ZNF581: variants seen among roughly 807,000 people sequenced by gnomAD.
The protein encoded by ZNF581 is zinc finger protein 581.
Under a neutral mutation model 1.2 loss-of-function variants are expected in ZNF581, and 1 was observed. That is an observed-to-expected ratio of 0.83 (90% CI 0.30 to 3.95). The LOEUF (loss-of-function observed/expected upper bound fraction) is 3.95. Among genes scored for constraint, ZNF581 ranks in the 30% most tolerant of loss-of-function variants. The probability of loss-of-function intolerance (pLI) is 0.18; values close to 1 mark genes in which losing one functional copy is unlikely to be tolerated. For synonymous variants in ZNF581, 105 were observed against 109.2 expected (o/e 0.96, Z 0.24); for missense variants, 273 against 274.6 (o/e 0.99, Z 0.04).
At position 55,644,679 on chromosome 19, in the gene ZNF581, C is replaced by CT. The variant is rs1568538807; in HGVS notation, c.109dup (p.Ser37PhefsTer21). On this transcript the variant is annotated frameshift_variant, in exon 2 of 2. Coordinates refer to ENST00000270451, the MANE Select transcript of ZNF581 (RefSeq NM_016535.4). LOFTEE classifies it low-confidence loss of function (END_TRUNC). The surrounding 1 kb of genome is among the most constrained non-coding windows in gnomAD (Gnocchi z 4.3). Reference sequence around the variant, plus strand: ...GCCGCTCCCCAGAACCTGGACCTTCCTCCTCCATCGGATCTCCCCAGGCTT... The same window carrying CT: ...GCCGCTCCCCAGAACCTGGACCTTCCTTCCTCCATCGGATCTCCCCAGGCTT... 6.2e-7 allele frequency: 1 copy of CT among 1,613,276 alleles called. No individual in the cohort carries two copies. Among genetic ancestry groups the CT allele is most frequent in the Non-Finnish European group, 8.5e-7 (1 of 1,179,620 alleles).
chr19:55,644,467 G>A lies in ZNF581; in HGVS notation c.-19-86G>A, dbSNP rs866405492. 3.7e-5 allele frequency: 31 copies of A among 840,536 alleles called. No individual in the cohort carries two copies. The African/African-American group carries it at 4.1e-4, about 11-fold the overall frequency. The allele number at this position is 840,536 out of a possible 1,614,324, so 52.1% of individuals were successfully genotyped here. A position where few individuals can be genotyped will look rare whatever the true frequency, so the allele number is the denominator to read the frequency against. On this transcript the variant is annotated intron_variant, in intron 1 of 1. Transcript: ENST00000270451. This position sits in a 1 kb window ranked among gnomAD's most constrained non-coding sequence, Gnocchi z 4.3. ...CAGCAGGATGCAGAGGTCCTGGGCC[G>A]GGTATAGGGAGGGAAAAGGATGGAG...
chr19:55,639,683 C>G (rs1460028302), upstream of ZNF581, among the ~76,000 whole-genome samples: 3 of 152,174 alleles, frequency 2.0e-5, no homozygotes, highest in African/African-American at 7.2e-5. Context: ...GTGGCACGAT[C>G]TTGGCACACT....
At chr19:55,641,970 C>T, upstream of ZNF581, 1 of 879,776 alleles carries the variant, frequency 1.1e-6, no homozygotes, top group Non-Finnish European at 1.3e-6. Flanking sequence ...TGGGGAGGCC[C>T]TGCGGCATGT....
At chr19:55,643,271 A>G, upstream of ZNF581, 1 of 504,760 alleles carries the variant, frequency 2.0e-6, no homozygotes, top group Non-Finnish European at 3.2e-6. Flanking sequence ...ACTGGGTTCC[A>G]GTCCAGCTGT....
upstream of ZNF581, chr19:55,640,668 C>T (rs1982400131): frequency 2.0e-6 from 2 of 985,342 alleles, no homozygotes; most frequent in Non-Finnish European, 2.4e-6. Flanking sequence ...TTTGCTCAGC[C>T]GGCAGGAACA....
At position 55,644,341 on chromosome 19, in the gene ZNF581, C is replaced by T. The variant is rs1178520012; in HGVS notation, c.-19-212C>T. Among the ~76,000 whole-genome samples the T allele has an allele frequency of 6.6e-6, 1 of 152,052 alleles. No individual in the cohort carries two copies. Among genetic ancestry groups the T allele is most frequent in the East Asian group, 1.9e-4 (1 of 5,192 alleles). On this transcript the variant is annotated intron_variant, in intron 1 of 1. Transcript: ENST00000270451. This position sits in a 1 kb window ranked among gnomAD's most constrained non-coding sequence, Gnocchi z 4.3. ...TGTGAGTACAGTGTATGGTGGAGCA[C>T]CGAGGCTAGGAGAGGTTTTCCAAGG...
In ZNF581 at chr19:55,644,669, C is replaced by T. The variant is rs1982743766; in HGVS notation, c.98C>T (p.Pro33Leu). 3 of 1,612,832 alleles carry T rather than the reference C, an allele frequency of 1.9e-6. No individual in the cohort carries two copies. The highest frequency in any genetic ancestry group is 3.3e-5 in the Admixed American group (2 of 59,824). The change falls in exon 2 of 2, where the codon CCT (proline) becomes CTT (leucine). Residue 33 changes from proline (P) to leucine (L), a missense_variant. Coordinates refer to ENST00000270451, the MANE Select transcript of ZNF581 (RefSeq NM_016535.4). The surrounding 1 kb of genome is among the most constrained non-coding windows in gnomAD (Gnocchi z 4.3). ...CGTCGGACTTGCCGCTCCCCAGAAC[C>T]TGGACCTTCCTCCTCCATCGGATCT... ...PPRRTCRSPE[P>L]GPSSSIGSPQ...
upstream of ZNF581, chr19:55,641,982 G>A: frequency 1.1e-6 from 1 of 949,090 alleles, no homozygotes; most frequent in Non-Finnish European, 1.3e-6. Context: ...GCGGCATGTA[G>A]TGGGGACGGA....
upstream of ZNF581, chr19:55,640,925 T>C (rs1982419051): frequency 2.0e-6 from 2 of 984,910 alleles, no homozygotes; most frequent in Non-Finnish European, 2.4e-6. Flanking sequence ...CGCAGGGCGC[T>C]CCGCAGAGGC....
chr19:55,641,155 C>G, upstream of ZNF581: 2 of 985,412 alleles, frequency 2.0e-6, no homozygotes, highest in South Asian at 4.7e-5. Context: ...TCGGCCCGTT[C>G]CTCCGGACCC....
chr19:55,639,006 C>CAAAA (rs753198174), upstream of ZNF581, among the ~76,000 whole-genome samples: 5 of 88,146 alleles, frequency 5.7e-5, no homozygotes, highest in African/African-American at 1.5e-4. Context: ...ACTCCATCTC[C>CAAAA]AAAAAAAAAA....
chr19:55,642,918 GGCATCGCGCCAC>G (rs1178442877), upstream of ZNF581: 5 of 1,517,526 alleles, frequency 3.3e-6, no homozygotes, highest in Non-Finnish European at 3.5e-6. Flanking sequence ...CACCTGTCGC[GGCATCGCGCCAC>G]GCACCGCGCC....
In ZNF581 at chr19:55,644,509, G is replaced by A. The variant is rs1478595395; in HGVS notation, c.-19-44G>A. On this transcript the variant is annotated intron_variant, in intron 1 of 1. Transcript: ENST00000270451. The surrounding 1 kb of genome is among the most constrained non-coding windows in gnomAD (Gnocchi z 4.3). ...AGGATGGAGCCTGTGGTGCTGAGCTGCCCTCTTCTATATAACCTTCTTATC... is the reference window on the plus strand; with the variant it reads ...AGGATGGAGCCTGTGGTGCTGAGCTACCCTCTTCTATATAACCTTCTTATC... 3.1e-6 allele frequency: 4 copies of A among 1,279,976 alleles called. No individual in the cohort carries two copies. Among genetic ancestry groups the A allele is most frequent in the Admixed American group, 2.4e-5 (1 of 41,664 alleles). 79.3% of individuals were successfully genotyped at this position (1,279,976 alleles called of 1,614,324 possible). A position where few individuals can be genotyped will look rare whatever the true frequency, so the allele number is the denominator to read the frequency against.
At chr19:55,643,039 GGC>G (rs1346054283), upstream of ZNF581, 5 of 1,356,074 alleles carry the variant, frequency 3.7e-6, no homozygotes, top group African/African-American at 7.7e-5. Context: ...CTCGAGACCC[GGC>G]CTGTGCTGCC....
At chr19:55,643,202 C>T, upstream of ZNF581, 1 of 1,153,832 alleles carries the variant, frequency 8.7e-7, no homozygotes, top group South Asian at 3.6e-5. Context: ...TACCCCCTTT[C>T]TAGCTGTGTG....
Position 55,645,421 on chromosome 19 carries a change from A to G in ZNF581, c.*256A>G, listed in dbSNP as rs1338878427. ...CTAGCCTAAAGATATCAGCTGTTCC[A>G]TGGCAGAGCCTTGACTGGATGGAGG... On this transcript the variant is annotated 3_prime_UTR_variant, in exon 2 of 2. Transcript: ENST00000270451. The G allele has an allele frequency of 5.2e-6, 2 of 381,336 alleles. No individual in the cohort carries two copies. Among genetic ancestry groups the G allele is most frequent in the Non-Finnish European group, 9.8e-6 (2 of 204,202 alleles). The allele number at this position is 381,336 out of a possible 1,614,324, so 23.6% of individuals were successfully genotyped here.
upstream of ZNF581, chr19:55,641,833 A>G (rs1387899326): frequency 6.3e-6 from 1 of 157,662 alleles, no homozygotes; most frequent in Admixed American, 6.6e-5. Context: ...GGGAGAGGTG[A>G]CTAGACTTCG....
At chr19:55,637,966 C>T (rs1340974042), upstream of ZNF581, among the ~76,000 whole-genome samples, 1 of 152,174 alleles carries the variant, frequency 6.6e-6, no homozygotes, top group Admixed American at 6.5e-5. Context: ...GTGGCCACTA[C>T]AGTGCCACTA....
chr19:55,641,184 G>C, upstream of ZNF581: 1 of 985,424 alleles, frequency 1.0e-6, no homozygotes, highest in Non-Finnish European at 1.2e-6. Context: ...GCCGCACGGG[G>C]TACGGGGGCC....
Sources: gnomAD v4.1 joint callset for allele counts (sites outside exome capture counted in the v4.1 genomes callset) on GRCh38, gnomAD v4.1.1 for gene constraint, Gnocchi (gnomAD v3.1) non-coding constraint, MANE v1.5 for transcripts, NCBI Gene and HGNC (gene_info 2026-07-23, HGNC 2026-07-21) for gene names.